Variants in XKR9 observed in about 807,000 individuals in gnomAD.
XKR9 encodes XK-related protein 9.
Under a neutral mutation model 32.0 loss-of-function variants are expected in XKR9, and 32 were observed. The ratio of observed to expected loss-of-function variants is 1.00; its 90% CI spans 0.76 to 1.34. The LOEUF is 1.34. XKR9 is among the 40% of genes most tolerant of loss of function. The pLI, the probability that XKR9 is intolerant of heterozygous loss-of-function variation, is 0.00. For missense variants in XKR9, 546 were observed against 429.7 expected (o/e 1.27, Z -2.39); for synonymous variants, 168 against 143.4 (o/e 1.17, Z -1.22).
chr8:70,780,839 C>T (rs1437798674), intron 2 of XKR9: 1 of 152,038 alleles, frequency 6.6e-6, no homozygotes, highest in Non-Finnish European at 1.5e-5. Context: ...GTCCCATCAG[C>T]AATGAGGTTT....
chr8:70,760,826 G>C (rs1586887487), intron 2 of XKR9, among the ~76,000 whole-genome samples: 1 of 152,248 alleles, frequency 6.6e-6, no homozygotes, highest in South Asian at 2.1e-4. Flanking sequence ...ATTAAGCCTA[G>C]TATCCATTGG....
At chr8:70,868,729 A>G in the XKR9 span, among the ~76,000 whole-genome samples, 2 of 152,164 alleles carry the variant, frequency 1.3e-5, no homozygotes, top group Admixed American at 6.5e-5. Context: ...CTCATTACTT[A>G]TGCAAATTTC....
At chr8:70,760,468 A>G (rs558261118) in intron 2 of XKR9, among the ~76,000 whole-genome samples, 2 of 152,282 alleles carry the variant, frequency 1.3e-5, no homozygotes, top group Non-Finnish European at 2.9e-5. Context: ...AGTAGTCACT[A>G]TGCCTTTTTT....
chr8:70,983,065 T>C, the XKR9 span, among the ~76,000 whole-genome samples: 1 of 152,180 alleles, frequency 6.6e-6, no homozygotes, highest in East Asian at 1.9e-4. Flanking sequence ...TATGAAGTGG[T>C]GGCCCTTTGA....
At chr8:70,703,963 A>C (rs545733110) in intron 3 of XKR9, among the ~76,000 whole-genome samples, 3 of 152,124 alleles carry the variant, frequency 2.0e-5, no homozygotes, top group African/African-American at 7.2e-5. Context: ...TGGGTGGATC[A>C]TGAGGTCAGG....
chr8:70,759,133 C>A (rs1020152544), intron 2 of XKR9, among the ~76,000 whole-genome samples: 1 of 152,194 alleles, frequency 6.6e-6, no homozygotes, highest in Non-Finnish European at 1.5e-5. Flanking sequence ...AGTAAAAAGT[C>A]TTTCCAGTTT....
chr8:71,030,628 T>G, the XKR9 span, among the ~76,000 whole-genome samples: 1 of 152,178 alleles, frequency 6.6e-6, no homozygotes. Context: ...GATAAAATTA[T>G]CAATCTATTT....
chr8:70,705,071 A>G (rs940475562), intron 3 of XKR9, among the ~76,000 whole-genome samples: 2 of 152,178 alleles, frequency 1.3e-5, no homozygotes, highest in African/African-American at 2.4e-5. Context: ...GAATCTTTGC[A>G]TATCCATATA....
the XKR9 span, among the ~76,000 whole-genome samples, chr8:70,840,741 C>A: frequency 6.6e-6 from 1 of 152,074 alleles, no homozygotes; most frequent in Non-Finnish European, 1.5e-5. Context: ...GTGTGCTTGA[C>A]TAAGATTAAT....
At chr8:70,996,314 TTTTA>T in the XKR9 span, among the ~76,000 whole-genome samples, 3 of 152,210 alleles carry the variant, frequency 2.0e-5, no homozygotes, top group African/African-American at 7.2e-5. Context: ...TAGAATGTCT[TTTTA>T]TTTATCTTCC....
the XKR9 span, among the ~76,000 whole-genome samples, chr8:70,852,364 A>G: frequency 6.6e-6 from 1 of 152,226 alleles, no homozygotes; most frequent in Non-Finnish European, 1.5e-5. Flanking sequence ...CTTTTGGAGG[A>G]CAGTGTGGTG....
At chr8:70,764,434 C>A (rs1807348304) in intron 2 of XKR9, among the ~76,000 whole-genome samples, 2 of 152,144 alleles carry the variant, frequency 1.3e-5, no homozygotes, top group South Asian at 4.1e-4. Context: ...TTCTCTCTCT[C>A]TGTTTTCCTT....
Position 70,776,947 on chromosome 8 carries a change from C to CTCTCTATATATATATATA in XKR9, n.353-12391_353-12390insCTCTATATATATATATAT. Reference sequence around the variant, plus strand: ...TTTCTCTCTCTCTCTCTCTCTCTCTCTATATATATATATATATGTATGTAT... The same window carrying CTCTCTATATATATATATA: ...TTTCTCTCTCTCTCTCTCTCTCTCTCTCTCTATATATATATATATATATATATATATATATGTATGTAT... On this transcript the variant is annotated intron_variant and non_coding_transcript_variant, in intron 2 of 3. Transcript: ENST00000520273. Among the ~76,000 whole-genome samples, 94 of 54,198 alleles carry CTCTCTATATATATATATA rather than the reference C, an allele frequency of 1.7e-3. 2 individuals are homozygous for CTCTCTATATATATATATA. The highest frequency in any genetic ancestry group is 5.9e-3 in the Admixed American group (24 of 4,046). 35.6% of individuals were successfully genotyped at this position (54,198 alleles called of 152,430 possible).
At chr8:70,794,084 A>G (rs554651494), downstream of XKR9, among the ~76,000 whole-genome samples, 43 of 152,190 alleles carry the variant, frequency 2.8e-4, no homozygotes, top group Non-Finnish European at 5.7e-4. Flanking sequence ...ATGTTAAATG[A>G]CAACTTTGTG....
At chr8:71,039,683 T>C in the XKR9 span, among the ~76,000 whole-genome samples, 1 of 152,168 alleles carries the variant, frequency 6.6e-6, no homozygotes, top group African/African-American at 2.4e-5. Flanking sequence ...AAGAACTGCT[T>C]GCAATACTGG....
the XKR9 span, among the ~76,000 whole-genome samples, chr8:70,874,049 AT>A: frequency 6.6e-6 from 1 of 152,184 alleles, no homozygotes; most frequent in Non-Finnish European, 1.5e-5. Flanking sequence ...TGTTGTTAGC[AT>A]TTTTTAAGAG....
the XKR9 span, among the ~76,000 whole-genome samples, chr8:70,800,950 A>G: frequency 6.8e-6 from 1 of 146,408 alleles, no homozygotes; most frequent in Non-Finnish European, 1.5e-5. Context: ...GTGTGTATAG[A>G]GGTGTTCATA....
chr8:70,778,533 T>C (rs1011706249), intron 2 of XKR9, among the ~76,000 whole-genome samples: 2 of 152,198 alleles, frequency 1.3e-5, no homozygotes, highest in Non-Finnish European at 2.9e-5. Context: ...ATAAATTACT[T>C]TGGGCAGTAT....
At chr8:71,049,259 C>T in the XKR9 span, among the ~76,000 whole-genome samples, 10 of 152,002 alleles carry the variant, frequency 6.6e-5, no homozygotes, top group South Asian at 6.2e-4. Context: ...ATGAGAAATG[C>T]GAGGAAAATA....
Sources: gnomAD v4.1 joint callset for allele counts (sites outside exome capture counted in the v4.1 genomes callset) on GRCh38, gnomAD v4.1.1 for gene constraint, MANE v1.5 for transcripts, NCBI Gene and HGNC (gene_info 2026-07-23, HGNC 2026-07-21) for gene names.